MYH14: variants seen among roughly 807,000 people sequenced by gnomAD.
The protein encoded by MYH14 is myosin heavy chain 14, also known as myosin-14.
Under a neutral mutation model 255.5 loss-of-function variants are expected in MYH14, and 123 were observed. The observed-to-expected ratio is 0.48, with a 90% CI of 0.42 to 0.56. The LOEUF is 0.56. Ranked by LOEUF, MYH14 falls within the 20% of genes least tolerant of loss-of-function variation. The pLI, the probability that MYH14 is intolerant of heterozygous loss-of-function variation, is 0.00. For missense variants in MYH14, 2,423 were observed against 2,802.3 expected (o/e 0.86, Z 3.06); for synonymous variants, 1,095 against 1,161.2 (o/e 0.94, Z 1.16).
chr19:50,308,907 C>T, intron 41 of MYH14, 98 bp from the exon 42 acceptor site: 2 of 1,191,390 alleles, frequency 1.7e-6, no homozygotes, highest in Non-Finnish European at 2.4e-6. Flanking sequence ...CAGAGAGAGT[C>T]AGGGGGCAGT....
At position 50,263,066 on chromosome 19, in the gene MYH14, G is replaced by A. The variant is rs3745506; in HGVS notation, c.2586-246G>A. Among the ~76,000 whole-genome samples, 13,471 of 152,082 alleles carry A rather than the reference G, an allele frequency of 0.089. 916 individuals are homozygous for A. The highest frequency in any genetic ancestry group is 0.3 in the East Asian group (1,558 of 5,154). On this transcript the variant is annotated intron_variant, in intron 21 of 42. Transcript: ENST00000642316. The stretch of plus-strand genomic sequence containing the variant: ...AATACAAAAATTAGCCGAGTGTTGT[G>A]GCACGCACCTGTAATCCTAGCTACT...
Position 50,288,208 on chromosome 19 carries a change from G to C in MYH14, c.4753-1228G>C, listed in dbSNP as rs149578759. ...ATGATGGGAGGCACTGGCAGAATTT[G>C]TTGAGCTCCTGAATAGATGCTGTCT... is the stretch of plus-strand genomic sequence containing the variant. On this transcript the variant is annotated intron_variant, in intron 34 of 42. Coordinates refer to ENST00000642316, the MANE Select transcript of MYH14 (RefSeq NM_001145809.2). Among the ~76,000 whole-genome samples, 259 of 152,348 alleles carry C rather than the reference G, an allele frequency of 1.7e-3. 2 individuals are homozygous for C. The highest frequency in any genetic ancestry group is 5.8e-3 in the African/African-American group (241 of 41,588).
chr19:50,230,989 T>C lies in MYH14; in HGVS notation c.973+366T>C. 3.6e-6 allele frequency: 1 copy of C among 274,322 alleles called. No homozygotes were observed. Among genetic ancestry groups the C allele is most frequent in the Non-Finnish European group, 7.1e-6 (1 of 140,044 alleles). 17.0% of individuals were successfully genotyped at this position (274,322 alleles called of 1,614,324 possible). On this transcript the variant is annotated intron_variant, in intron 9 of 42. Transcript: ENST00000642316. This position sits in a 1 kb window ranked among gnomAD's most constrained non-coding sequence, Gnocchi z 4.7. ...CTTTGCTGAGGCTCCTCCTGGTTCCTGACGACGCTGGTTTGTGTTGCTTCT... is the reference window on the plus strand; with the variant it reads ...CTTTGCTGAGGCTCCTCCTGGTTCCCGACGACGCTGGTTTGTGTTGCTTCT...
chr19:50,252,667 T>C lies in MYH14; in HGVS notation c.1859T>C (p.Met620Thr), dbSNP rs1203499109. 6 of 1,599,364 alleles carry C rather than the reference T, an allele frequency of 3.8e-6. No homozygotes were observed. The highest frequency in any genetic ancestry group is 2.7e-5 in the African/African-American group (2 of 74,522). ...KVDYKANEWL[M>T]KNMDPLNDNV... The stretch of plus-strand genomic sequence containing the variant: ...GACTACAAGGCCAACGAGTGGCTGA[T>C]GAAAAACATGGACCCTCTGAATGAC... Residue 620 changes from methionine (M) to threonine (T), a missense_variant, in exon 16 of 43, where the codon ATG becomes ACG. Physicochemically the swap from Met to Thr is moderately conservative, Grantham distance 81. Coordinates refer to ENST00000642316, the MANE Select transcript of MYH14 (RefSeq NM_001145809.2). The surrounding 1 kb of genome is among the most constrained non-coding windows in gnomAD (Gnocchi z 4.2).
At chr19:50,278,859 A>G (rs1243675135) in intron 30 of MYH14, among the ~76,000 whole-genome samples, 1 of 150,606 alleles carries the variant, frequency 6.6e-6, no homozygotes, top group Non-Finnish European at 1.5e-5. Context: ...GTGATGGCGC[A>G]TGCCTGTAAT....
At chr19:50,225,063 G>T (rs532043533) in intron 6 of MYH14, among the ~76,000 whole-genome samples, 1 of 152,282 alleles carries the variant, frequency 6.6e-6, no homozygotes, top group South Asian at 2.1e-4. Flanking sequence ...TTATGACCAT[G>T]CCACTGCACT....
intron 33 of MYH14, 106 bp from the exon 34 acceptor site, chr19:50,286,376 T>C: frequency 8.9e-7 from 1 of 1,118,428 alleles, no homozygotes; most frequent in Admixed American, 2.6e-5. Flanking sequence ...TTTGTCTGTC[T>C]CTTTCTCTCT....
At chr19:50,285,310 T>C (rs2035858329) in intron 33 of MYH14, 1 of 152,268 alleles carries the variant, frequency 6.6e-6, no homozygotes, top group African/African-American at 2.4e-5. Context: ...AATTTGGAAC[T>C]GTGTTGAATC....
In MYH14 at chr19:50,281,847, G is replaced by A; in HGVS notation, c.4539+5G>A. On this transcript the variant is annotated splice_donor_5th_base_variant and intron_variant, in intron 33 of 42. Transcript: ENST00000642316. ...AAGCAGCGCAAGTTTGACCAGGTGGGGCACCTCAGTTCACCCAGCCGGGGA... is the reference window on the plus strand; with the variant it reads ...AAGCAGCGCAAGTTTGACCAGGTGGAGCACCTCAGTTCACCCAGCCGGGGA... 6.2e-7 allele frequency: 1 copy of A among 1,607,990 alleles called. No individual in the cohort carries two copies. The highest frequency in any genetic ancestry group is 8.5e-7 in the Non-Finnish European group (1 of 1,175,964).
At chr19:50,237,012 A>G (rs2033688645) in intron 10 of MYH14, among the ~76,000 whole-genome samples, 1 of 152,122 alleles carries the variant, frequency 6.6e-6, no homozygotes, top group Non-Finnish European at 1.5e-5. Flanking sequence ...GGACTTGCGT[A>G]TTCTGGACAT....
At chr19:50,249,167 C>T in intron 13 of MYH14, 28 bp downstream of exon 13, 1 of 1,544,458 alleles carries the variant, frequency 6.5e-7, no homozygotes, top group Non-Finnish European at 8.8e-7. Context: ...GAGGGGGATG[C>T]CAACTTCCTC....
chr19:50,207,257 A>AAGAG (rs2031827890), intron 1 of MYH14, among the ~76,000 whole-genome samples: 40 of 27,008 alleles, frequency 1.5e-3, no homozygotes, highest in African/African-American at 1.8e-3. Flanking sequence ...GAGAGAGAGA[A>AAGAG]AGAGAGAGAG....
chr19:50,246,961 C>T (rs757640279), intron 11 of MYH14, 43 bp from the exon 12 acceptor site: 3 of 1,425,956 alleles, frequency 2.1e-6, no homozygotes, highest in South Asian at 2.4e-5. Context: ...CAGCAAGCAC[C>T]TCTTCCCAGT....
intron 10 of MYH14, among the ~76,000 whole-genome samples, chr19:50,236,534 C>G (rs1200835734): frequency 6.7e-6 from 1 of 148,592 alleles, no homozygotes; most frequent in Non-Finnish European, 1.5e-5. Flanking sequence ...ATGGTGAAAC[C>G]CTGTCTCTAC....
At chr19:50,306,173 G>A (rs577951903) in intron 40 of MYH14, among the ~76,000 whole-genome samples, 1 of 152,284 alleles carries the variant, frequency 6.6e-6, no homozygotes, top group South Asian at 2.1e-4. Context: ...AGCTGCTCGG[G>A]AGGCTGAGGC....
chr19:50,270,479 C>T (rs1300609784), intron 24 of MYH14, among the ~76,000 whole-genome samples: 6 of 147,808 alleles, frequency 4.1e-5, no homozygotes, highest in Non-Finnish European at 3.0e-5. Context: ...CAAGACTGCA[C>T]CATTGCACTC....
chr19:50,220,036 A>G (rs969853029), intron 3 of MYH14, among the ~76,000 whole-genome samples: 1 of 152,120 alleles, frequency 6.6e-6, no homozygotes, highest in Non-Finnish European at 1.5e-5. Flanking sequence ...CCCTGTCTCT[A>G]CAAAAAAATT....
At chr19:50,245,278 G>T (rs924928166) in intron 11 of MYH14, among the ~76,000 whole-genome samples, 12 of 152,006 alleles carry the variant, frequency 7.9e-5, no homozygotes, top group Admixed American at 5.9e-4. Context: ...AATTAACTGG[G>T]AATGGTGATG....
intron 2 of MYH14, among the ~76,000 whole-genome samples, chr19:50,213,935 C>A (rs1028247403): frequency 1.3e-5 from 2 of 152,148 alleles, no homozygotes; most frequent in African/African-American, 4.8e-5. Flanking sequence ...AGTGATCCTC[C>A]TGCCTCAGCC....
Sources: allele counts gnomAD v4.1 joint callset (sites outside exome capture counted in the v4.1 genomes callset), GRCh38; gene constraint gnomAD v4.1.1; non-coding constraint Gnocchi (gnomAD v3.1); transcripts MANE v1.5; gene names NCBI Gene and HGNC (gene_info 2026-07-23, HGNC 2026-07-21).